The following SNX24 variants were observed in gnomAD, a reference collection of about 807,000 sequenced individuals.
SNX24 encodes sorting nexin-24.
In SNX24, 22 loss-of-function variants were observed where a neutral mutation model predicts 28.7. The observed-to-expected ratio is 0.77, with a 90% CI of 0.55 to 1.10. The LOEUF is 1.10. Among genes scored for constraint, SNX24 ranks in the 50% least tolerant of loss-of-function variants. The probability of loss-of-function intolerance (pLI) is 0.00; values close to 1 mark genes in which losing one functional copy is unlikely to be tolerated. For synonymous variants in SNX24, 69 were observed against 71.5 expected, an observed-to-expected ratio of 0.96 and a Z score of 0.18; for missense variants, 221 against 201.1, an observed-to-expected ratio of 1.10 and a Z score of -0.60.
intron 1 of SNX24, among the ~76,000 whole-genome samples, chr5:122,883,743 G>T (rs1242975105): frequency 6.6e-6 from 1 of 152,066 alleles, no homozygotes; most frequent in African/African-American, 2.4e-5. Context: ...TTGAACTCCT[G>T]GGCTCAAGAG....
intron 5 of SNX24, among the ~76,000 whole-genome samples, chr5:123,025,542 T>G (rs1762838664): frequency 6.6e-6 from 1 of 152,282 alleles, no homozygotes; most frequent in Admixed American, 6.5e-5. Flanking sequence ...GGCTTTACAT[T>G]TATATCAAGT....
chr5:122,923,538 G>A (rs1758538468), intron 1 of SNX24, among the ~76,000 whole-genome samples: 1 of 152,150 alleles, frequency 6.6e-6, no homozygotes, highest in African/African-American at 2.4e-5. Flanking sequence ...CTTTGTCTAT[G>A]AGGAGGGTCT....
chr5:122,984,851 A>C (rs1761529579), intron 3 of SNX24, among the ~76,000 whole-genome samples: 1 of 152,240 alleles, frequency 6.6e-6, no homozygotes, highest in Non-Finnish European at 1.5e-5. Flanking sequence ...TAAAAACTAA[A>C]GACAAATTAA....
At chr5:122,954,042 A>G (rs1760084606) in intron 3 of SNX24, among the ~76,000 whole-genome samples, 1 of 152,172 alleles carries the variant, frequency 6.6e-6, no homozygotes, top group Non-Finnish European at 1.5e-5. Context: ...ATTATACAGT[A>G]TGATATGTAC....
At chr5:122,911,395 A>G (rs1757882018) in intron 1 of SNX24, among the ~76,000 whole-genome samples, 1 of 152,066 alleles carries the variant, frequency 6.6e-6, no homozygotes, top group Non-Finnish European at 1.5e-5. Context: ...GTAGGTTGTG[A>G]AAATTTTCTT....
intron 3 of SNX24, among the ~76,000 whole-genome samples, chr5:122,961,715 T>C (rs1265739446): frequency 1.3e-5 from 2 of 152,188 alleles, no homozygotes. Context: ...ACCATCCATC[T>C]CTTTTTGATC....
At chr5:122,872,969 T>C (rs1345966302) in intron 1 of SNX24, among the ~76,000 whole-genome samples, 1 of 152,104 alleles carries the variant, frequency 6.6e-6, no homozygotes, top group Non-Finnish European at 1.5e-5. Flanking sequence ...GGTTAGTTTT[T>C]TGGTTTTTGG....
intron 3 of SNX24, among the ~76,000 whole-genome samples, chr5:122,947,893 C>T (rs1759759722): frequency 1.3e-5 from 2 of 152,186 alleles, no homozygotes; most frequent in Admixed American, 1.3e-4. Context: ...CATTACTACT[C>T]AGTGTAAACA....
intron 3 of SNX24, among the ~76,000 whole-genome samples, chr5:122,982,810 T>G (rs1761447283): frequency 6.6e-6 from 1 of 152,188 alleles, no homozygotes; most frequent in African/African-American, 2.4e-5. Context: ...GACATTAAAT[T>G]TAAAAGAATA....
chr5:123,017,139 G>C (rs1347641669), intron 5 of SNX24, among the ~76,000 whole-genome samples: 1 of 151,942 alleles, frequency 6.6e-6, no homozygotes. Context: ...ATTCACAAGT[G>C]GTGAACGGTA....
chr5:122,989,179 G>A (rs1306183062), intron 3 of SNX24, among the ~76,000 whole-genome samples: 1 of 152,144 alleles, frequency 6.6e-6, no homozygotes, highest in South Asian at 2.1e-4. Flanking sequence ...TAGATAAAAA[G>A]CCAAATCCAA....
At position 122,949,205 on chromosome 5, in the gene SNX24, T is replaced by C. The variant is rs371056905; in HGVS notation, c.249+3046T>C. ...CTTTGCTGGTCACCAATAAATGAAA[T>C]TAATGAAAGAAATAAAACTAATGAA... is the stretch of plus-strand genomic sequence containing the variant. On this transcript the variant is annotated intron_variant, in intron 3 of 6. Coordinates refer to ENST00000261369, the MANE Select transcript of SNX24 (RefSeq NM_014035.4). Among the ~76,000 whole-genome samples the C allele has an allele frequency of 4.6e-5, 7 of 152,280 alleles. No homozygotes were observed. In the East Asian group the frequency reaches 5.8e-4, roughly 13 times the overall value.
At chr5:123,016,169 A>C (rs1224857845) in intron 5 of SNX24, among the ~76,000 whole-genome samples, 6 of 152,180 alleles carry the variant, frequency 3.9e-5, no homozygotes, top group Non-Finnish European at 7.3e-5. Flanking sequence ...TACTTGAACA[A>C]TTGTAATTAT....
intron 1 of SNX24, among the ~76,000 whole-genome samples, chr5:122,848,228 G>C (rs1754730436): frequency 6.6e-6 from 1 of 152,088 alleles, no homozygotes; most frequent in Non-Finnish European, 1.5e-5. Context: ...TTGGCCTCTT[G>C]AGTAGCACAG....
At chr5:122,960,597 G>C (rs113753509) in intron 3 of SNX24, among the ~76,000 whole-genome samples, 4 of 151,920 alleles carry the variant, frequency 2.6e-5, no homozygotes, top group African/African-American at 9.7e-5. Flanking sequence ...TTCTTTTAGG[G>C]AGCCTTTTCT....
chr5:123,022,471 G>GTT (rs35906519), intron 5 of SNX24: 182 of 142,928 alleles, frequency 1.3e-3, no homozygotes, highest in Middle Eastern at 3.6e-3. Context: ...TTTCCCATTA[G>GTT]TTTTTTTTTT....
chr5:122,846,122 TA>T (rs1187632188), intron 1 of SNX24, among the ~76,000 whole-genome samples: 6 of 151,968 alleles, frequency 3.9e-5, no homozygotes, highest in East Asian at 3.9e-4. Context: ...TTTTTTTTTT[TA>T]AATCATAATT....
chr5:122,877,266 G>A (rs1232749400), intron 1 of SNX24, among the ~76,000 whole-genome samples: 2 of 152,192 alleles, frequency 1.3e-5, no homozygotes, highest in East Asian at 3.9e-4. Flanking sequence ...TGGGGATAGG[G>A]CCAGAAACTC....
At chr5:123,024,684 C>T (rs1184767335) in intron 5 of SNX24, among the ~76,000 whole-genome samples, 1 of 152,204 alleles carries the variant, frequency 6.6e-6, no homozygotes, top group African/African-American at 2.4e-5. Context: ...AGGCTACTAG[C>T]TCAGTTCCCA....
Sources: allele counts gnomAD v4.1 joint callset (sites outside exome capture counted in the v4.1 genomes callset), GRCh38; gene constraint gnomAD v4.1.1; transcripts MANE v1.5; gene names NCBI Gene and HGNC (gene_info 2026-07-23, HGNC 2026-07-21).